Variants in MTCL2 observed in about 807,000 individuals in gnomAD.
The protein encoded by MTCL2 is microtubule cross-linking factor 2.
At chr20:36,796,713 T>C in the MTCL2 span, among the ~76,000 whole-genome samples, 3 of 152,024 alleles carry the variant, frequency 2.0e-5, no homozygotes, top group Non-Finnish European at 4.4e-5. Flanking sequence ...CATATCCCGA[T>C]GCTCTCCCAA....
the MTCL2 span, among the ~76,000 whole-genome samples, chr20:36,855,641 TA>T: frequency 6.6e-6 from 1 of 152,122 alleles, no homozygotes. Context: ...GCCCCTTTCC[TA>T]GGGGACTCTC....
chr20:36,808,355 G>GA, the MTCL2 span, among the ~76,000 whole-genome samples: 14,366 of 119,636 alleles, frequency 0.12, 886 homozygotes, highest in Non-Finnish European at 0.15. Flanking sequence ...CTCCATCTCG[G>GA]AAAAAAAAAA....
chr20:36,831,740 A>T, the MTCL2 span, among the ~76,000 whole-genome samples: 1 of 152,200 alleles, frequency 6.6e-6, no homozygotes, highest in South Asian at 2.1e-4. Context: ...TCATCCACGA[A>T]GTGGGGAGAA....
the MTCL2 span, among the ~76,000 whole-genome samples, chr20:36,855,696 T>G: frequency 6.6e-6 from 1 of 152,168 alleles, no homozygotes; most frequent in Non-Finnish European, 1.5e-5. Flanking sequence ...CCTCCCCTCC[T>G]CTGTGCCAGG....
At chr20:36,815,465 C>T in the MTCL2 span, 1 of 1,604,482 alleles carries the variant, frequency 6.2e-7, no homozygotes. The surrounding 1 kb of genome is among the most constrained non-coding windows in gnomAD (Gnocchi z 5.3). Flanking sequence ...CCAGGGCGGC[C>T]TGCTCTCTCA....
At chr20:36,859,322 G>C in the MTCL2 span, among the ~76,000 whole-genome samples, 2 of 152,120 alleles carry the variant, frequency 1.3e-5, no homozygotes, top group African/African-American at 4.8e-5. Context: ...CCGGGTCTTT[G>C]AAGGTCTCAG....
chr20:36,809,084 C>T, the MTCL2 span, among the ~76,000 whole-genome samples: 2 of 152,168 alleles, frequency 1.3e-5, no homozygotes, highest in African/African-American at 4.8e-5. Context: ...AGGGGTGACG[C>T]ATGGAGAGCA....
the MTCL2 span, chr20:36,817,318 A>T: frequency 3.6e-6 from 4 of 1,112,124 alleles, no homozygotes; most frequent in Non-Finnish European, 5.1e-6. Context: ...CAAGGGGAGG[A>T]CAGGGCAGAA....
chr20:36,849,819 G>T, the MTCL2 span, among the ~76,000 whole-genome samples: 93 of 152,330 alleles, frequency 6.1e-4, 1 homozygote, highest in East Asian at 0.018. Context: ...GGCTATGACG[G>T]AATTGGCCTG....
the MTCL2 span, among the ~76,000 whole-genome samples, chr20:36,790,928 G>C: frequency 6.6e-6 from 1 of 152,110 alleles, no homozygotes; most frequent in Non-Finnish European, 1.5e-5. Flanking sequence ...AGCTGAGTGA[G>C]AGTATAGAAA....
At chr20:36,862,900 C>T in the MTCL2 span, 1 of 1,257,014 alleles carries the variant, frequency 8.0e-7, no homozygotes, top group Non-Finnish European at 1.0e-6. Context: ...GCCGGGCCCC[C>T]GGCCGCGGAC....
the MTCL2 span, chr20:36,808,622 G>A: frequency 7.4e-6 from 12 of 1,612,176 alleles, no homozygotes; most frequent in Admixed American, 1.8e-4. Flanking sequence ...GAATTGCTGG[G>A]ACTCCTGCAC....
chr20:36,786,708 G>T, the MTCL2 span: 2 of 1,394,754 alleles, frequency 1.4e-6, no homozygotes, highest in Non-Finnish European at 9.7e-7. Context: ...TGAGCTGTGT[G>T]GTATGCCAGG....
At chr20:36,819,911 AGAG>A in the MTCL2 span, among the ~76,000 whole-genome samples, 1 of 152,206 alleles carries the variant, frequency 6.6e-6, no homozygotes, top group South Asian at 2.1e-4. Context: ...CTGGAAGGGA[AGAG>A]GAGGAAACAG....
the MTCL2 span, chr20:36,839,077 A>G: frequency 5.6e-6 from 4 of 710,848 alleles, no homozygotes; most frequent in Non-Finnish European, 9.2e-6. The surrounding 1 kb of genome is among the most constrained non-coding windows in gnomAD (Gnocchi z 5.1). Flanking sequence ...AGGAATTCCT[A>G]CTTAGATGAG....
the MTCL2 span, among the ~76,000 whole-genome samples, chr20:36,823,936 G>A: frequency 6.6e-6 from 1 of 152,182 alleles, no homozygotes; most frequent in Non-Finnish European, 1.5e-5. Context: ...TGAACTATCA[G>A]CCCCTTCCTA....
chr20:36,796,948 C>A, the MTCL2 span: 2 of 1,613,898 alleles, frequency 1.2e-6, no homozygotes, highest in East Asian at 2.2e-5. Flanking sequence ...CTTCTCACTG[C>A]GTGTCTGTCA....
At chr20:36,852,902 C>T in the MTCL2 span, among the ~76,000 whole-genome samples, 1 of 151,906 alleles carries the variant, frequency 6.6e-6, no homozygotes, top group Non-Finnish European at 1.5e-5. Context: ...ACTAAAAATA[C>T]AAAAATTAGC....
chr20:36,793,061 C>A, the MTCL2 span: 3 of 655,276 alleles, frequency 4.6e-6, no homozygotes, highest in Non-Finnish European at 5.0e-6. This position sits in a 1 kb window ranked among gnomAD's most constrained non-coding sequence, Gnocchi z 6.8. Flanking sequence ...CATGCCACCA[C>A]GCCTGGCCAA....
Sources: gnomAD v4.1 joint callset for allele counts (sites outside exome capture counted in the v4.1 genomes callset) on GRCh38, gnomAD v4.1.1 for gene constraint, Gnocchi (gnomAD v3.1) non-coding constraint, MANE v1.5 for transcripts, NCBI Gene and HGNC (gene_info 2026-07-23, HGNC 2026-07-21) for gene names.